NEXMIF: variants seen among roughly 807,000 people sequenced by gnomAD.
NEXMIF encodes XLMR protein related to neurite extension.
A neutral mutation model predicts 62.1 loss-of-function variants in NEXMIF; 8 were observed. The ratio of observed to expected loss-of-function variants is 0.13; its 90% confidence interval spans 0.08 to 0.23. NEXMIF has a LOEUF of 0.23. NEXMIF is among the 10% of genes least tolerant of loss of function. The pLI is 1.00. For missense variants in NEXMIF, 976 were observed against 1,113.3 expected, an observed-to-expected ratio of 0.88 and a Z score of 1.75; for synonymous variants, 404 against 416.6, an observed-to-expected ratio of 0.97 and a Z score of 0.37.
intron 1 of NEXMIF, among the ~76,000 whole-genome samples, chrX:74,754,455 C>T (rs1264967396): frequency 9.4e-6 from 1 of 106,865 alleles, no homozygotes; most frequent in East Asian, 2.9e-4. Flanking sequence ...ATTACAGGCG[C>T]CTGACACCAC....
rs2080835443 is a variant in NEXMIF, at chrX:74,924,143, G to A, written c.-48+740C>T. ...CCACACTTTCCCGGAGCGGGACTCCGCTCCCCGCGCCGGCTCACGGCCTTC... is the reference window on the plus strand; with the variant it reads ...CCACACTTTCCCGGAGCGGGACTCCACTCCCCGCGCCGGCTCACGGCCTTC... On this transcript the variant is annotated intron_variant, in intron 1 of 3. Transcript: ENST00000055682. Among the ~76,000 whole-genome samples, 5 of 111,536 alleles carry A rather than the reference G, an allele frequency of 4.5e-5. No individual in the cohort carries two copies. In the South Asian group the frequency reaches 1.9e-3, roughly 43 times the overall value.
At chrX:74,767,605 C>T (rs1468329840) in intron 1 of NEXMIF, among the ~76,000 whole-genome samples, 1 of 111,457 alleles carries the variant, frequency 9.0e-6, no homozygotes, top group Non-Finnish European at 1.9e-5. Context: ...ACCCATCCCT[C>T]CCCTGGGAGC....
rs980866200 is a variant in NEXMIF, at chrX:74,736,827, GTACT to G, written c.*2574_*2577del. The G allele has an allele frequency of 8.9e-6, 1 of 112,086 alleles. No individual in the cohort carries two copies. Among genetic ancestry groups the G allele is most frequent in the African/African-American group, 3.3e-5 (1 of 30,742 alleles). The allele number at this position is 112,086 out of a possible 1,213,427, so 9.2% of individuals were successfully genotyped here. On this transcript the variant is annotated 3_prime_UTR_variant, in exon 4 of 4. Coordinates refer to ENST00000055682, the MANE Select transcript of NEXMIF (RefSeq NM_001008537.3). ...AATACACTGCAGGCCAATTAAAAAG[GTACT>G]TTAAAATAACAATTCTCTTTGGAGA...
At position 74,754,410 on chromosome X, in the gene NEXMIF, G is replaced by A. The variant is rs184188133; in HGVS notation, c.-47-8713C>T. Among the ~76,000 whole-genome samples, 51 of 107,804 alleles carry A rather than the reference G, an allele frequency of 4.7e-4. 1 individual carries two copies. In the East Asian group the frequency reaches 0.014, roughly 29 times the overall value. The allele number at this position is 107,804 out of a possible 115,157, so 93.6% of individuals were successfully genotyped here. On this transcript the variant is annotated intron_variant, in intron 1 of 3. Coordinates refer to ENST00000055682, the MANE Select transcript of NEXMIF (RefSeq NM_001008537.3). ...TGCAACCTCTGCCACCTGGGTTCAA[G>A]TGATTCTCCTGCCTCAGCCTCCTGA...
intron 1 of NEXMIF, among the ~76,000 whole-genome samples, chrX:74,919,893 G>A (rs1268047447): frequency 9.1e-6 from 1 of 110,387 alleles, no homozygotes; most frequent in Non-Finnish European, 1.9e-5. Context: ...TTTTGTCCTT[G>A]TGATAGTTTA....
chrX:74,834,180 G>T (rs923621312), intron 1 of NEXMIF, among the ~76,000 whole-genome samples: 1 of 108,012 alleles, frequency 9.3e-6, no homozygotes, highest in Non-Finnish European at 1.9e-5. Context: ...ACTAATAAAA[G>T]TTCTACGCTT....
chrX:74,895,410 A>T (rs1325135602), intron 1 of NEXMIF, among the ~76,000 whole-genome samples: 1 of 112,127 alleles, frequency 8.9e-6, no homozygotes. Context: ...ATTCAATGCA[A>T]TCTCTATCAA....
In NEXMIF at chrX:74,742,446, G is replaced by A. The variant is rs1410799565; in HGVS notation, c.2111C>T (p.Ala704Val). 3 of 1,208,473 alleles carry A rather than the reference G, an allele frequency of 2.5e-6. No homozygotes were observed. The highest frequency in any genetic ancestry group is 3.4e-6 in the Non-Finnish European group (3 of 894,514). The change falls in exon 3 of 4, where the codon GCC becomes GTC. Residue 704 changes from alanine to valine, a missense_variant. Ala to Val is a moderately conservative substitution (Grantham distance 64). Around this residue, in one of 5 missense-constraint regions of NEXMIF, gnomAD observed 639 missense variants for 694.5 expected, o/e 0.92. Coordinates refer to ENST00000055682, the MANE Select transcript of NEXMIF (RefSeq NM_001008537.3). ...TGGCCCCTTAAACTCTGTGTCTTGG[G>A]CTTTGACTTTCACTGAGTCAGGGCC... Reference protein sequence around the residue: ...ITGPDSVKVKAQDTEFKGPER... With the variant: ...ITGPDSVKVKVQDTEFKGPER...
chrX:74,833,350 T>C (rs2147485233), intron 1 of NEXMIF, among the ~76,000 whole-genome samples: 1 of 112,224 alleles, frequency 8.9e-6, no homozygotes, highest in East Asian at 2.8e-4. Context: ...CCCTTTATCA[T>C]TATATAATGA....
At chrX:74,827,788 A>G (rs762483601) in intron 1 of NEXMIF, among the ~76,000 whole-genome samples, 5 of 111,695 alleles carry the variant, frequency 4.5e-5, no homozygotes, top group African/African-American at 1.3e-4. Context: ...TCAAAAGCCA[A>G]TGCAAACCAA....
chrX:74,869,246 GA>G (rs1470450610), intron 1 of NEXMIF, among the ~76,000 whole-genome samples: 1 of 111,685 alleles, frequency 9.0e-6, no homozygotes, highest in African/African-American at 3.2e-5. Flanking sequence ...CATGGATGCT[GA>G]AAAAGCATTT....
Position 74,742,749 on chromosome X carries a change from T to C in NEXMIF, c.1808A>G (p.Lys603Arg). Residue 603 changes from lysine to arginine, a missense_variant, in exon 3 of 4, where the codon AAG (lysine) becomes AGG (arginine). Lys to Arg is a conservative substitution (Grantham distance 26). Coordinates refer to ENST00000055682, the MANE Select transcript of NEXMIF (RefSeq NM_001008537.3). ...GCTTTGCTTTTGGGAAAAAGGTGTC[T>C]TGATGGAGTCCGTGTTGGTGTTTCT... ...KQRNTNTDSIKTPFSQKQSFE... is the reference protein window; with the variant it reads ...KQRNTNTDSIRTPFSQKQSFE... The C allele has an allele frequency of 8.3e-7, 1 of 1,211,071 alleles. No individual in the cohort carries two copies. Among genetic ancestry groups the C allele is most frequent in the African/African-American group, 1.7e-5 (1 of 57,716 alleles).
At chrX:74,877,194 C>A (rs954304600) in intron 1 of NEXMIF, among the ~76,000 whole-genome samples, 1 of 111,043 alleles carries the variant, frequency 9.0e-6, no homozygotes, top group Non-Finnish European at 1.9e-5. Context: ...CTGGTGGTGA[C>A]AAAATCTCTC....
rs2080083305 is a variant in NEXMIF at position 74,735,693 on chromosome X, A to G, written c.*3712T>C. The G allele has an allele frequency of 8.9e-6, 1 of 112,244 alleles. No homozygotes were observed. The highest frequency in any genetic ancestry group is 9.6e-5 in the Admixed American group (1 of 10,449). 9.3% of individuals were successfully genotyped at this position (112,244 alleles called of 1,213,427 possible). A position where few individuals can be genotyped will look rare whatever the true frequency, so the allele number is the denominator to read the frequency against. On this transcript the variant is annotated 3_prime_UTR_variant, in exon 4 of 4. Coordinates refer to ENST00000055682, the MANE Select transcript of NEXMIF (RefSeq NM_001008537.3). ...CAGTGAGATGGCTGAAGAAGTGATG[A>G]TCAAAGTAATGCAGGAGGTTTGAAA...
chrX:74,852,684 C>T (rs2080520137), intron 1 of NEXMIF, among the ~76,000 whole-genome samples: 2 of 111,779 alleles, frequency 1.8e-5, no homozygotes, highest in Non-Finnish European at 3.8e-5. Flanking sequence ...AAACAACATG[C>T]TCCTGAATGA....
Position 74,851,977 on chromosome X carries a change from G to C in NEXMIF, c.-48+72906C>G, listed in dbSNP as rs369189764. 1.2e-4 allele frequency among the ~76,000 whole-genome samples: 13 copies of C among 110,928 alleles called. No individual in the cohort carries two copies. The East Asian group carries it at 3.1e-3, about 27-fold the overall frequency. ...GCCCTCACATATTAATAATAATCTT[G>C]AATGTAAACAAATGAGGCATTCCAC... On this transcript the variant is annotated intron_variant, in intron 1 of 3. Coordinates refer to ENST00000055682, the MANE Select transcript of NEXMIF (RefSeq NM_001008537.3).
chrX:74,840,873 G>T (rs2080471737), intron 1 of NEXMIF, among the ~76,000 whole-genome samples: 1 of 111,607 alleles, frequency 9.0e-6, no homozygotes, highest in East Asian at 2.8e-4. Context: ...ATGCTGTTTT[G>T]GTTACTGTAG....
At chrX:74,835,589 G>GT (rs201387034) in intron 1 of NEXMIF, among the ~76,000 whole-genome samples, 43 of 109,923 alleles carry the variant, frequency 3.9e-4, no homozygotes, top group Middle Eastern at 4.7e-3. Context: ...AGGAACTCTT[G>GT]TTTTTTTTTG....
chrX:74,826,944 A>C (rs946868967), intron 1 of NEXMIF, among the ~76,000 whole-genome samples: 7 of 112,045 alleles, frequency 6.2e-5, no homozygotes, highest in African/African-American at 1.9e-4. Flanking sequence ...AATATGGTAC[A>C]GTATAAAATT....
Sources: allele counts gnomAD v4.1 joint callset (sites outside exome capture counted in the v4.1 genomes callset), GRCh38; gene constraint gnomAD v4.1.1; regional missense constraint gnomAD v4.1.1; transcripts MANE v1.5; gene names NCBI Gene and HGNC (gene_info 2026-07-23, HGNC 2026-07-21).